The following B3GALT1 variants were observed in gnomAD, a reference collection of about 807,000 sequenced individuals.
B3GALT1 encodes the protein beta-1,3-galactosyltransferase 1.
In B3GALT1, 10 loss-of-function variants were observed where a neutral mutation model predicts 23.2. The observed-to-expected ratio is 0.43, with a 90% CI of 0.27 to 0.73. The LOEUF (loss-of-function observed/expected upper bound fraction) is 0.73, where lower values mean the gene tolerates loss of function less well. B3GALT1 is among the 30% of genes least tolerant of loss of function. The pLI, the probability that B3GALT1 is intolerant of heterozygous loss-of-function variation, is 0.21. For synonymous variants in B3GALT1, 156 were observed against 141.5 expected (o/e 1.10, Z -0.73); for missense variants, 299 against 405.4 (o/e 0.74, Z 2.25).
chr2:167,562,802 C>G (rs371571720), intron 2 of B3GALT1, among the ~76,000 whole-genome samples: 2 of 151,884 alleles, frequency 1.3e-5, no homozygotes, highest in African/African-American at 2.4e-5. Flanking sequence ...TGCGGCCTTC[C>G]GCAGTGTTTG....
chr2:167,628,377 C>T (rs556104530), intron 2 of B3GALT1, among the ~76,000 whole-genome samples: 54 of 151,362 alleles, frequency 3.6e-4, no homozygotes, highest in Middle Eastern at 3.4e-3. Flanking sequence ...TACAGTCATT[C>T]TTCCTATTTC....
intron 3 of B3GALT1, among the ~76,000 whole-genome samples, chr2:167,794,629 C>T (rs34183384): frequency 0.042 from 6,382 of 152,270 alleles, 157 homozygotes; most frequent in South Asian, 0.09. Context: ...ATACATAAGG[C>T]ATTAGTAAAG....
intron 2 of B3GALT1, among the ~76,000 whole-genome samples, chr2:167,556,404 A>C (rs1683853363): frequency 6.6e-6 from 1 of 152,134 alleles, no homozygotes; most frequent in African/African-American, 2.4e-5. Flanking sequence ...CAATAATGAG[A>C]ATGTACAAAT....
intron 1 of B3GALT1, among the ~76,000 whole-genome samples, chr2:167,352,147 T>G (rs1314976954): frequency 2.7e-5 from 4 of 150,822 alleles, no homozygotes; most frequent in African/African-American, 9.8e-5. Context: ...TTTTTGTATT[T>G]TCGTAGAGAA....
At chr2:167,851,357 A>G (rs1245384247) in intron 4 of B3GALT1, among the ~76,000 whole-genome samples, 3 of 152,134 alleles carry the variant, frequency 2.0e-5, no homozygotes, top group African/African-American at 7.3e-5. Flanking sequence ...ACAATAACAA[A>G]AAAGTGATGA....
intron 3 of B3GALT1, among the ~76,000 whole-genome samples, chr2:167,805,531 C>T (rs1271221751): frequency 2.0e-5 from 3 of 152,154 alleles, no homozygotes; most frequent in Non-Finnish European, 4.4e-5. Flanking sequence ...GATCCAGTTT[C>T]AGCTTTCTAC....
At chr2:167,326,946 T>TA (rs1696905749) in intron 1 of B3GALT1, among the ~76,000 whole-genome samples, 1 of 152,048 alleles carries the variant, frequency 6.6e-6, no homozygotes, top group Non-Finnish European at 1.5e-5. Context: ...TGCCTCAGCC[T>TA]CCCAAAGTGC....
At chr2:167,470,082 A>G (rs1699402460) in intron 1 of B3GALT1, among the ~76,000 whole-genome samples, 1 of 152,268 alleles carries the variant, frequency 6.6e-6, no homozygotes, top group Non-Finnish European at 1.5e-5. Flanking sequence ...CCTGATATAT[A>G]TCTGTGAGTT....
intron 3 of B3GALT1, among the ~76,000 whole-genome samples, chr2:167,691,573 C>T (rs1332838304): frequency 1.3e-5 from 2 of 152,154 alleles, no homozygotes; most frequent in Middle Eastern, 3.2e-3. Flanking sequence ...TCAAAATTCA[C>T]TAAAATCTTC....
chr2:167,617,018 G>C (rs73015407), intron 2 of B3GALT1, among the ~76,000 whole-genome samples: 1 of 152,002 alleles, frequency 6.6e-6, no homozygotes, highest in Non-Finnish European at 1.5e-5. Context: ...AAAAGTTTTT[G>C]ATTACATCAA....
At chr2:167,568,303 A>T (rs1320470742) in intron 2 of B3GALT1, among the ~76,000 whole-genome samples, 1 of 152,074 alleles carries the variant, frequency 6.6e-6, no homozygotes, top group Non-Finnish European at 1.5e-5. Flanking sequence ...TAGTTTGGTA[A>T]GGACCTGCCA....
At chr2:167,531,688 C>T (rs1421839495) in intron 2 of B3GALT1, among the ~76,000 whole-genome samples, 2 of 152,212 alleles carry the variant, frequency 1.3e-5, no homozygotes, top group East Asian at 1.9e-4. Context: ...CTCCTATCTT[C>T]TATGCATATT....
At position 167,715,378 on chromosome 2, in the gene B3GALT1, A is replaced by C. The variant is rs540210770; in HGVS notation, c.-352+68412A>C. On this transcript the variant is annotated intron_variant, in intron 3 of 4. Coordinates refer to ENST00000392690, the MANE Select transcript of B3GALT1 (RefSeq NM_020981.4). ...CAGTCACTTGTTCTTTCCATACTTC[A>C]GCTTCTCGCAAAAGCTGTTTCTGGC... 7 of 1,613,770 alleles carry C rather than the reference A, an allele frequency of 4.3e-6. No homozygotes were observed. In the East Asian group the frequency reaches 1.6e-4, roughly 36 times the overall value.
Position 167,869,303 on chromosome 2 carries a change from C to A in B3GALT1, c.264C>A (p.His88Gln), listed in dbSNP as rs1226291534. ...TTGTTATCCTCATCAGCACCACTCACAAGGAATTTGATGCCCGTCAGGCAA... is the reference window on the plus strand; with the variant it reads ...TTGTTATCCTCATCAGCACCACTCAAAAGGAATTTGATGCCCGTCAGGCAA... ...PFLVILISTT[H>Q]KEFDARQAIR... The change falls in exon 5 of 5, where the codon CAC becomes CAA. Residue 88 changes from histidine (H) to glutamine (Q), a missense_variant. Coordinates refer to ENST00000392690, the MANE Select transcript of B3GALT1 (RefSeq NM_020981.4). This position sits in a 1 kb window ranked among gnomAD's most constrained non-coding sequence, Gnocchi z 6.4. The A allele has an allele frequency of 1.2e-6, 2 of 1,614,016 alleles. No individual in the cohort carries two copies. Among genetic ancestry groups the A allele is most frequent in the Non-Finnish European group, 1.7e-6 (2 of 1,180,042 alleles).
intron 1 of B3GALT1, among the ~76,000 whole-genome samples, chr2:167,327,028 G>A (rs1696907215): frequency 6.6e-6 from 1 of 152,046 alleles, no homozygotes; most frequent in Non-Finnish European, 1.5e-5. Flanking sequence ...TTTCCCCAAT[G>A]TATGTTCTTG....
In B3GALT1 at chr2:167,869,184, A is replaced by G. The variant is rs767590633; in HGVS notation, c.145A>G (p.Thr49Ala). 6.2e-7 allele frequency: 1 copy of G among 1,614,088 alleles called. No homozygotes were observed. The highest frequency in any genetic ancestry group is 8.5e-7 in the Non-Finnish European group (1 of 1,179,998). The change falls in exon 5 of 5, where the codon ACC becomes GCC. Residue 49 changes from threonine (T) to alanine (A), a missense_variant. This residue lies in a region of B3GALT1 where 162 missense variants were observed against 184.1 expected (regional missense o/e 0.88). Transcript: ENST00000392690. This position sits in a 1 kb window ranked among gnomAD's most constrained non-coding sequence, Gnocchi z 6.4. Reference sequence around the variant, plus strand: ...CCTAACAGTTGCCAGGAAAAACTTCACCTTTGGCAACATAAGAACTCGACC... The same window carrying G: ...CCTAACAGTTGCCAGGAAAAACTTCGCCTTTGGCAACATAAGAACTCGACC... ...SHLTVARKNFTFGNIRTRPIN... is the reference protein window; with the variant it reads ...SHLTVARKNFAFGNIRTRPIN...
In B3GALT1 at chr2:167,615,243, G is replaced by C. The variant is rs1474709148; in HGVS notation, c.-409-31666G>C. ...TTGTCATTTGCCACAACATGGATGA[G>C]CCTGGAAGATGTTATATTAAGTAAA... On this transcript the variant is annotated intron_variant, in intron 2 of 4. Coordinates refer to ENST00000392690, the MANE Select transcript of B3GALT1 (RefSeq NM_020981.4). Among the ~76,000 whole-genome samples, 3 of 151,954 alleles carry C rather than the reference G, an allele frequency of 2.0e-5. No individual in the cohort carries two copies. The East Asian group carries it at 5.8e-4, about 29-fold the overall frequency.
intron 2 of B3GALT1, among the ~76,000 whole-genome samples, chr2:167,622,863 A>G (rs1379102407): frequency 6.6e-6 from 1 of 152,082 alleles, no homozygotes; most frequent in African/African-American, 2.4e-5. Context: ...CTGATACAAA[A>G]CGAAGTAATG....
chr2:167,590,878 G>A (rs1684669205), intron 2 of B3GALT1, among the ~76,000 whole-genome samples: 1 of 152,184 alleles, frequency 6.6e-6, no homozygotes, highest in African/African-American at 2.4e-5. Context: ...TGAAAAAGGA[G>A]AGGGTATAAA....
Sources: gnomAD v4.1 joint callset for allele counts (sites outside exome capture counted in the v4.1 genomes callset) on GRCh38, gnomAD v4.1.1 for gene constraint, gnomAD v4.1.1 regional missense constraint, Gnocchi (gnomAD v3.1) non-coding constraint, MANE v1.5 for transcripts, NCBI Gene and HGNC (gene_info 2026-07-23, HGNC 2026-07-21) for gene names.